Variants in ST8SIA6 observed in about 807,000 individuals in gnomAD.
The protein encoded by ST8SIA6 is alpha-2,8-sialyltransferase 8F.
A neutral mutation model predicts 33.6 loss-of-function variants in ST8SIA6; 39 were observed. The ratio of observed to expected loss-of-function variants is 1.16; its 90% confidence interval spans 0.90 to 1.52. The LOEUF (loss-of-function observed/expected upper bound fraction) is 1.52. ST8SIA6 is among the 40% of genes most tolerant of loss of function. ST8SIA6 has a pLI of 0.00. For synonymous variants in ST8SIA6, 172 were observed against 167.2 expected (o/e 1.03, Z -0.22); for missense variants, 441 against 443.8 (o/e 0.99, Z 0.06).
chr10:17,401,910 A>C (rs993667611), intron 2 of ST8SIA6, among the ~76,000 whole-genome samples: 5 of 152,092 alleles, frequency 3.3e-5, no homozygotes, highest in African/African-American at 1.2e-4. Context: ...AGCAATGGCA[A>C]CAAAAGTCAA....
At chr10:17,430,594 G>A (rs1176091168) in intron 2 of ST8SIA6, among the ~76,000 whole-genome samples, 1 of 152,092 alleles carries the variant, frequency 6.6e-6, no homozygotes, top group Admixed American at 6.6e-5. Flanking sequence ...CCAGAGTAAG[G>A]TGGTATCTCA....
intron 4 of ST8SIA6, among the ~76,000 whole-genome samples, chr10:17,340,979 G>T (rs182861228): frequency 1.4e-4 from 22 of 152,280 alleles, no homozygotes; most frequent in African/African-American, 5.3e-4. Context: ...GGCTTGTGTT[G>T]TGCAGCTACG....
In ST8SIA6 at chr10:17,320,883, C is replaced by A; in HGVS notation, c.1192G>T (p.Ala398Ser). ...LKLQFSKCEV[A>S] is the part of the protein sequence containing the mutation. Reference sequence around the variant, plus strand: ...CCCATTTTAAGATACTTTGTTTAGGCGACTTCACATTTGCTAAATTGCAGT... The same window carrying A: ...CCCATTTTAAGATACTTTGTTTAGGAGACTTCACATTTGCTAAATTGCAGT... The change falls in exon 8 of 8, where the codon GCC (alanine) becomes TCC (serine). Residue 398 changes from alanine to serine, a missense_variant. Transcript: ENST00000377602. 1.2e-6 allele frequency: 2 copies of A among 1,613,624 alleles called. No homozygotes were observed. The highest frequency in any genetic ancestry group is 1.7e-6 in the Non-Finnish European group (2 of 1,179,672).
intron 2 of ST8SIA6, among the ~76,000 whole-genome samples, chr10:17,439,259 C>G (rs1336803720): frequency 6.7e-6 from 1 of 148,484 alleles, no homozygotes; most frequent in African/African-American, 2.5e-5. Flanking sequence ...ACTTTCTGTG[C>G]TTCTTCCCTC....
chr10:17,404,330 A>C (rs1317784161), intron 2 of ST8SIA6, among the ~76,000 whole-genome samples: 2 of 151,946 alleles, frequency 1.3e-5, no homozygotes, highest in African/African-American at 4.8e-5. Flanking sequence ...ACGCCATTCT[A>C]CCTCCCTCAT....
intron 4 of ST8SIA6, among the ~76,000 whole-genome samples, chr10:17,352,476 C>A (rs1423714518): frequency 6.6e-6 from 1 of 151,964 alleles, no homozygotes; most frequent in African/African-American, 2.4e-5. Flanking sequence ...TGATATTGTA[C>A]CAGTGTAAAC....
chr10:17,322,317 T>C (rs553815996), intron 7 of ST8SIA6, among the ~76,000 whole-genome samples: 4 of 152,222 alleles, frequency 2.6e-5, no homozygotes, highest in African/African-American at 9.6e-5. Flanking sequence ...ATTTAAAATA[T>C]CTAAATGCAA....
intron 2 of ST8SIA6, among the ~76,000 whole-genome samples, chr10:17,436,117 C>G (rs1376655302): frequency 6.6e-6 from 1 of 152,236 alleles, no homozygotes; most frequent in Admixed American, 6.5e-5. Context: ...ACCACTGTCA[C>G]TCACCAGTCA....
chr10:17,432,007 C>T (rs1169428206), intron 2 of ST8SIA6, among the ~76,000 whole-genome samples: 3 of 152,090 alleles, frequency 2.0e-5, no homozygotes, highest in Admixed American at 1.3e-4. Context: ...AGCCGGAAGC[C>T]GGAAGCCGAA....
At chr10:17,453,980 C>A (rs557253316) in intron 1 of ST8SIA6, among the ~76,000 whole-genome samples, 175 bp downstream of exon 1, 2 of 152,100 alleles carry the variant, frequency 1.3e-5, no homozygotes, top group South Asian at 2.1e-4. Flanking sequence ...GTCGGAGGGT[C>A]GCCTCCCTGC....
intron 6 of ST8SIA6, 53 bp downstream of exon 6, chr10:17,326,961 T>C (rs1848150373): frequency 2.3e-6 from 3 of 1,308,974 alleles, no homozygotes; most frequent in Non-Finnish European, 3.2e-6. Flanking sequence ...TATCCCCCTC[T>C]GAAATACCCA....
At chr10:17,332,054 T>G (rs1011456246) in intron 4 of ST8SIA6, among the ~76,000 whole-genome samples, 3 of 152,228 alleles carry the variant, frequency 2.0e-5, no homozygotes, top group African/African-American at 7.2e-5. Context: ...TTTGGTTTTC[T>G]GTTCCTGTGT....
chr10:17,319,518 GCAAA>G lies in ST8SIA6; in HGVS notation c.*1356_*1359del, dbSNP rs1847877496. On this transcript the variant is annotated 3_prime_UTR_variant, in exon 8 of 8. Coordinates refer to ENST00000377602, the MANE Select transcript of ST8SIA6 (RefSeq NM_001004470.3). ...CAATTTTCTCCACAAAAGAAAACCC[GCAAA>G]CATTCTTTTTCTCCTAAGCTTTTAC... Among the ~76,000 whole-genome samples the G allele has an allele frequency of 6.6e-6, 1 of 152,052 alleles. No homozygotes were observed. Among genetic ancestry groups the G allele is most frequent in the South Asian group, 2.1e-4 (1 of 4,818 alleles).
intron 2 of ST8SIA6, among the ~76,000 whole-genome samples, chr10:17,424,231 G>T (rs1851865498): frequency 6.6e-6 from 1 of 151,806 alleles, no homozygotes; most frequent in Admixed American, 6.6e-5. Flanking sequence ...AGCTTCCTGA[G>T]TAGCTGGAAT....
intron 6 of ST8SIA6, among the ~76,000 whole-genome samples, chr10:17,324,164 G>A (rs1848050944): frequency 1.3e-5 from 2 of 152,098 alleles, no homozygotes; most frequent in Admixed American, 1.3e-4. Context: ...ATCATTTACT[G>A]AATTTCAAGT....
At chr10:17,364,199 A>G (rs1355015047) in intron 3 of ST8SIA6, among the ~76,000 whole-genome samples, 1 of 152,250 alleles carries the variant, frequency 6.6e-6, no homozygotes, top group East Asian at 1.9e-4. Context: ...AAAAATGTGC[A>G]TTGTAGAATA....
chr10:17,423,093 T>A (rs185237870), intron 2 of ST8SIA6, among the ~76,000 whole-genome samples: 105 of 152,084 alleles, frequency 6.9e-4, no homozygotes, highest in Non-Finnish European at 8.2e-4. Flanking sequence ...ACTCAGGGAG[T>A]GCTTGGTAAC....
rs1352574542 is a variant in ST8SIA6, at chr10:17,432,541, T to TA, written c.200+21017dup. Reference sequence around the variant, plus strand: ...CTAAAAACATGCTAGCAGGAAAAAATATAGCCAACAAATGCAGTTGCATAT... The same window carrying TA: ...CTAAAAACATGCTAGCAGGAAAAAATAATAGCCAACAAATGCAGTTGCATAT... On this transcript the variant is annotated intron_variant, in intron 2 of 7. Transcript: ENST00000377602. Among the ~76,000 whole-genome samples, 6 of 152,218 alleles carry TA rather than the reference T, an allele frequency of 3.9e-5. No individual in the cohort carries two copies. The East Asian group carries it at 1.2e-3, about 29-fold the overall frequency.
intron 3 of ST8SIA6, among the ~76,000 whole-genome samples, chr10:17,382,808 G>C (rs899145568): frequency 6.6e-6 from 1 of 152,190 alleles, no homozygotes. Flanking sequence ...CCATAAGATC[G>C]TAAGGGCCGA....
Sources: allele counts gnomAD v4.1 joint callset (sites outside exome capture counted in the v4.1 genomes callset), GRCh38; gene constraint gnomAD v4.1.1; transcripts MANE v1.5; gene names NCBI Gene and HGNC (gene_info 2026-07-23, HGNC 2026-07-21).